The following SOX6 variants were observed in gnomAD, a reference collection of about 807,000 sequenced individuals.
SOX6 encodes SRY-box transcription factor 6, also known as transcription factor SOX-6.
SOX6 carries 11 observed loss-of-function variants against 97.8 expected under a neutral mutation model. That is an observed-to-expected ratio of 0.11 (90% CI 0.07 to 0.19). The LOEUF is 0.19. Among genes scored for constraint, SOX6 ranks in the 10% least tolerant of loss-of-function variants. The pLI, the probability that SOX6 is intolerant of heterozygous loss-of-function variation, is 1.00. For missense variants in SOX6, 810 were observed against 1,039.5 expected (o/e 0.78, Z 3.04); for synonymous variants, 360 against 371.4 (o/e 0.97, Z 0.35).
chr11:16,473,826 GT>G (rs965960067), intron 1 of SOX6, among the ~76,000 whole-genome samples: 1 of 152,104 alleles, frequency 6.6e-6, no homozygotes, highest in Admixed American at 6.5e-5. Context: ...AGACAATGAA[GT>G]TTGCCTCATT....
At chr11:16,388,916 T>G (rs752844826) in intron 1 of SOX6, among the ~76,000 whole-genome samples, 3 of 152,218 alleles carry the variant, frequency 2.0e-5, no homozygotes, top group Non-Finnish European at 2.9e-5. Flanking sequence ...TTTGCCAAAT[T>G]TGGGAAATTG....
intron 6 of SOX6, among the ~76,000 whole-genome samples, chr11:16,118,919 T>C (rs1219039068): frequency 2.0e-5 from 3 of 152,176 alleles, no homozygotes; most frequent in East Asian, 3.9e-4. Flanking sequence ...TCTTAAACTG[T>C]TGAAAGAAAT....
intron 6 of SOX6, among the ~76,000 whole-genome samples, chr11:16,163,458 G>C (rs918300160): frequency 6.6e-5 from 10 of 152,152 alleles, no homozygotes; most frequent in African/African-American, 2.4e-4. Context: ...TGCAACTACT[G>C]ATAGAATGTA....
chr11:16,439,234 G>A (rs568277399), intron 1 of SOX6, among the ~76,000 whole-genome samples: 1 of 152,288 alleles, frequency 6.6e-6, no homozygotes, highest in African/African-American at 2.4e-5. Flanking sequence ...TAAAGGGAAT[G>A]TAATGCAGAG....
intron 4 of SOX6, among the ~76,000 whole-genome samples, chr11:16,588,257 C>T (rs887582169): frequency 5.9e-5 from 9 of 152,172 alleles, no homozygotes; most frequent in Admixed American, 3.3e-4. Context: ...AGTGTCAGAG[C>T]TCAAACCTCT....
intron 3 of SOX6, among the ~76,000 whole-genome samples, chr11:16,709,810 C>G (rs570266735): frequency 9.1e-4 from 139 of 152,280 alleles, no homozygotes; most frequent in African/African-American, 3.3e-3. Flanking sequence ...TAATCATGAG[C>G]TCCTAAAAGT....
chr11:16,629,067 T>A (rs1309005060), intron 3 of SOX6, among the ~76,000 whole-genome samples: 1 of 152,226 alleles, frequency 6.6e-6, no homozygotes, highest in Non-Finnish European at 1.5e-5. Flanking sequence ...CTTCTTTTCC[T>A]ATTTGGTTGA....
intron 3 of SOX6, among the ~76,000 whole-genome samples, chr11:16,276,891 T>G (rs2134237299): frequency 6.6e-6 from 1 of 152,364 alleles, no homozygotes; most frequent in African/African-American, 2.4e-5. Context: ...GAAGTATAAC[T>G]GAACCACAAT....
At chr11:16,124,621 G>A (rs1388839338) in intron 6 of SOX6, among the ~76,000 whole-genome samples, 1 of 151,992 alleles carries the variant, frequency 6.6e-6, no homozygotes, top group Non-Finnish European at 1.5e-5. Flanking sequence ...TGAGTGCAAA[G>A]GTCAGAGCAG....
intron 1 of SOX6, among the ~76,000 whole-genome samples, chr11:16,371,236 C>G (rs2134392787): frequency 6.6e-6 from 1 of 152,172 alleles, no homozygotes; most frequent in Non-Finnish European, 1.5e-5. Context: ...AGAGTCTGCA[C>G]TGGTCCCTCC....
chr11:16,264,517 A>G (rs894373093), intron 3 of SOX6: 1 of 151,974 alleles, frequency 6.6e-6, no homozygotes, highest in African/African-American at 2.4e-5. Context: ...ATTACAAATA[A>G]TAAGTCAACA....
At chr11:16,635,957 C>G (rs1481215702) in intron 3 of SOX6, among the ~76,000 whole-genome samples, 2 of 152,200 alleles carry the variant, frequency 1.3e-5, no homozygotes, top group Non-Finnish European at 2.9e-5. Flanking sequence ...GATGTCCAAG[C>G]AGAGGTGTGG....
intron 3 of SOX6, among the ~76,000 whole-genome samples, chr11:16,693,058 G>C (rs1183928145): frequency 1.3e-5 from 2 of 152,028 alleles, no homozygotes; most frequent in Non-Finnish European, 2.9e-5. Flanking sequence ...GATGTGATGG[G>C]TATACTTGTA....
chr11:16,476,743 T>C (rs188654801), upstream of SOX6, among the ~76,000 whole-genome samples: 9 of 152,352 alleles, frequency 5.9e-5, no homozygotes, highest in East Asian at 1.7e-3. Flanking sequence ...GTCTGCAAGT[T>C]GAAATGAATT....
At chr11:16,717,767 C>T (rs1347407152) in intron 2 of SOX6, among the ~76,000 whole-genome samples, 6 of 152,024 alleles carry the variant, frequency 3.9e-5, no homozygotes, top group Non-Finnish European at 1.5e-5. Context: ...AATGCACCTA[C>T]ATTTGAGCTA....
chr11:16,366,623 A>G (rs1335836758), intron 1 of SOX6, among the ~76,000 whole-genome samples: 1 of 152,186 alleles, frequency 6.6e-6, no homozygotes, highest in Non-Finnish European at 1.5e-5. Flanking sequence ...TTGATAGTCC[A>G]TAGCCTATCA....
rs1230665934 is a variant in SOX6, at chr11:16,300,870, ATATT to A, written c.445+17572_445+17575del. Among the ~76,000 whole-genome samples the A allele has an allele frequency of 2.0e-5, 3 of 152,226 alleles. No homozygotes were observed. The highest frequency in any genetic ancestry group is 2.9e-5 in the Non-Finnish European group (2 of 68,042). On this transcript the variant is annotated intron_variant, in intron 3 of 15. Transcript: ENST00000683767. This position sits in a 1 kb window ranked among gnomAD's most constrained non-coding sequence, Gnocchi z 4.1. ...CATTATTTTGGCTCATCATCCAATA[ATATT>A]TATTAAGCACCATAAGATAAGATAA...
chr11:16,550,079 A>G (rs1233188464), intron 4 of SOX6, among the ~76,000 whole-genome samples: 5 of 152,174 alleles, frequency 3.3e-5, no homozygotes, highest in Non-Finnish European at 7.3e-5. Flanking sequence ...ATGTCCATCA[A>G]TGATAGACTG....
chr11:16,031,384 C>T (rs1156506410), intron 12 of SOX6: 1 of 152,166 alleles, frequency 6.6e-6, no homozygotes, highest in African/African-American at 2.4e-5. Context: ...ATGACATCAG[C>T]ATTTGATTCT....
Sources: allele counts gnomAD v4.1 joint callset (sites outside exome capture counted in the v4.1 genomes callset), GRCh38; gene constraint gnomAD v4.1.1; non-coding constraint Gnocchi (gnomAD v3.1); transcripts MANE v1.5; gene names NCBI Gene and HGNC (gene_info 2026-07-23, HGNC 2026-07-21).